The following CENPW variants were observed in gnomAD, a reference collection of about 807,000 sequenced individuals.
CENPW encodes centromere protein W, also known as cancer-up-regulated gene 2 protein.
In CENPW, 3 loss-of-function variants were observed where a neutral mutation model predicts 11.1. That is an observed-to-expected ratio of 0.27 (90% CI 0.12 to 0.70). The LOEUF (loss-of-function observed/expected upper bound fraction) is 0.70. CENPW is among the 30% of genes least tolerant of loss of function. The pLI, the probability that CENPW is intolerant of heterozygous loss-of-function variation, is 0.77. For synonymous variants in CENPW, 38 were observed against 42.0 expected (o/e 0.91, Z 0.37); for missense variants, 100 against 105.6 (o/e 0.95, Z 0.23).
At chr6:126,426,688 C>G in the CENPW span, among the ~76,000 whole-genome samples, 1 of 152,112 alleles carries the variant, frequency 6.6e-6, no homozygotes, top group African/African-American at 2.4e-5. Context: ...AAATGAACCT[C>G]TACTGTTACC....
chr6:126,383,925 A>C, the CENPW span, among the ~76,000 whole-genome samples: 1 of 151,862 alleles, frequency 6.6e-6, no homozygotes, highest in Non-Finnish European at 1.5e-5. Flanking sequence ...CCTGATAGAC[A>C]TCTACAGAGC....
chr6:126,431,608 C>T, the CENPW span, among the ~76,000 whole-genome samples: 1 of 152,184 alleles, frequency 6.6e-6, no homozygotes, highest in Admixed American at 6.5e-5. Flanking sequence ...GAAATTCTAA[C>T]ACACTACTTG....
chr6:126,385,977 AC>A, the CENPW span, among the ~76,000 whole-genome samples: 8 of 152,112 alleles, frequency 5.3e-5, no homozygotes, highest in Non-Finnish European at 8.8e-5. Context: ...CTTTCAGATA[AC>A]TAGAATTCAG....
chr6:126,364,826 T>G, the CENPW span, among the ~76,000 whole-genome samples: 6 of 152,182 alleles, frequency 3.9e-5, no homozygotes, highest in African/African-American at 1.4e-4. Flanking sequence ...AAAAAGCATA[T>G]TAATACCTAG....
the CENPW span, among the ~76,000 whole-genome samples, chr6:126,425,467 G>A: frequency 6.6e-6 from 1 of 151,992 alleles, no homozygotes; most frequent in Non-Finnish European, 1.5e-5. Context: ...CTGATTTAAG[G>A]GCAGTAGCCA....
chr6:126,446,206 C>T, the CENPW span, among the ~76,000 whole-genome samples: 15 of 151,082 alleles, frequency 9.9e-5, no homozygotes, highest in African/African-American at 1.5e-4. Flanking sequence ...CTTGGGAAAA[C>T]GGCTGCCAGG....
the CENPW span, among the ~76,000 whole-genome samples, chr6:126,360,108 G>A: frequency 5.3e-5 from 8 of 152,240 alleles, no homozygotes; most frequent in South Asian, 1.7e-3. Flanking sequence ...CATCTTATAA[G>A]GCCGGTCTAA....
At chr6:126,461,953 A>C in the CENPW span, among the ~76,000 whole-genome samples, 1 of 151,970 alleles carries the variant, frequency 6.6e-6, no homozygotes, top group Non-Finnish European at 1.5e-5. Flanking sequence ...CATTTCTAAC[A>C]ACATTGTAAG....
At chr6:126,420,109 T>G in the CENPW span, among the ~76,000 whole-genome samples, 1 of 152,106 alleles carries the variant, frequency 6.6e-6, no homozygotes, top group African/African-American at 2.4e-5. Flanking sequence ...AAAATTTTCT[T>G]TGAACAGGAA....
At chr6:126,454,664 G>C in the CENPW span, among the ~76,000 whole-genome samples, 1 of 150,940 alleles carries the variant, frequency 6.6e-6, no homozygotes, top group East Asian at 2.0e-4. Context: ...CTACAGGAAT[G>C]AGAGAAACAA....
the CENPW span, among the ~76,000 whole-genome samples, chr6:126,466,258 C>A: frequency 1.3e-5 from 2 of 152,068 alleles, no homozygotes; most frequent in African/African-American, 4.8e-5. Context: ...GTGTATAAAA[C>A]AACCTCGTTA....
the CENPW span, among the ~76,000 whole-genome samples, chr6:126,405,892 G>C: frequency 6.7e-6 from 1 of 149,930 alleles, no homozygotes; most frequent in Non-Finnish European, 1.5e-5. Context: ...ATTTTTTTGT[G>C]GGGGGGGTCT....
the CENPW span, among the ~76,000 whole-genome samples, chr6:126,455,174 T>G: frequency 6.6e-6 from 1 of 151,434 alleles, no homozygotes. Context: ...CTATTGAAAC[T>G]ATTCTAAAAA....
chr6:126,358,765 G>A, the CENPW span, among the ~76,000 whole-genome samples: 2 of 152,070 alleles, frequency 1.3e-5, no homozygotes, highest in African/African-American at 4.8e-5. Context: ...TTTTTTTGGA[G>A]TAGTTTCAGT....
the CENPW span, among the ~76,000 whole-genome samples, chr6:126,388,703 C>CGAT: frequency 6.6e-6 from 1 of 151,862 alleles, no homozygotes; most frequent in Admixed American, 6.6e-5. Flanking sequence ...GTGTGTCTTT[C>CGAT]TATCAGTTGG....
the CENPW span, among the ~76,000 whole-genome samples, chr6:126,360,797 T>G: frequency 6.6e-6 from 1 of 152,112 alleles, no homozygotes; most frequent in Non-Finnish European, 1.5e-5. Flanking sequence ...CTTATAATGG[T>G]TATTTCATCT....
At chr6:126,392,504 T>G in the CENPW span, among the ~76,000 whole-genome samples, 1 of 151,984 alleles carries the variant, frequency 6.6e-6, no homozygotes, top group African/African-American at 2.4e-5. Flanking sequence ...TTTGAGGATT[T>G]CTTTCATGAA....
At chr6:126,409,107 T>C in the CENPW span, among the ~76,000 whole-genome samples, 1 of 152,160 alleles carries the variant, frequency 6.6e-6, no homozygotes, top group Non-Finnish European at 1.5e-5. Context: ...TTCAACTTAT[T>C]ACTGCTTTTG....
chr6:126,431,980 G>A, the CENPW span, among the ~76,000 whole-genome samples: 2 of 145,636 alleles, frequency 1.4e-5, no homozygotes, highest in Non-Finnish European at 3.0e-5. Flanking sequence ...CAGGAGAATC[G>A]CTTGAACCCA....
Sources: gnomAD v4.1 joint callset for allele counts (sites outside exome capture counted in the v4.1 genomes callset) on GRCh38, gnomAD v4.1.1 for gene constraint, MANE v1.5 for transcripts, NCBI Gene and HGNC (gene_info 2026-07-23, HGNC 2026-07-21) for gene names.